TTC7A: variants seen among roughly 807,000 people sequenced by gnomAD.
TTC7A encodes the protein tetratricopeptide repeat protein 7A.
TTC7A carries 110 observed loss-of-function variants against 103.7 expected under a neutral mutation model. The observed-to-expected ratio is 1.06, with a 90% confidence interval of 0.91 to 1.24. The LOEUF (loss-of-function observed/expected upper bound fraction) is 1.24. TTC7A is among the 50% of genes most tolerant of loss of function. The pLI is 0.00. For synonymous variants in TTC7A, 521 were observed against 467.9 expected, an observed-to-expected ratio of 1.11 and a Z score of -1.47; for missense variants, 1,340 against 1,116.3, an observed-to-expected ratio of 1.20 and a Z score of -2.86.
chr2:46,955,258 G>C (rs543335526), intron 2 of TTC7A, among the ~76,000 whole-genome samples: 1 of 152,226 alleles, frequency 6.6e-6, no homozygotes, highest in Non-Finnish European at 1.5e-5. Context: ...CTTGAGACCA[G>C]TGCAGGGAAC....
chr2:46,959,512 G>T (rs1377927513), intron 3 of TTC7A, among the ~76,000 whole-genome samples: 1 of 152,172 alleles, frequency 6.6e-6, no homozygotes, highest in African/African-American at 2.4e-5. Flanking sequence ...AGGCTAGGAG[G>T]CTCTGTGGGG....
intron 11 of TTC7A, among the ~76,000 whole-genome samples, chr2:47,014,026 A>T (rs1678356262): frequency 6.6e-6 from 1 of 152,218 alleles, no homozygotes; most frequent in East Asian, 1.9e-4. Context: ...CATTGTGATC[A>T]TCTGTGTTTC....
intron 18 of TTC7A, among the ~76,000 whole-genome samples, chr2:47,054,866 C>T (rs1293669143): frequency 6.6e-6 from 1 of 151,410 alleles, no homozygotes; most frequent in Non-Finnish European, 1.5e-5. Flanking sequence ...GGGATCTATC[C>T]TGCTAGAAGA....
At chr2:46,977,825 G>A (rs553266917) in intron 4 of TTC7A, among the ~76,000 whole-genome samples, 24 of 152,164 alleles carry the variant, frequency 1.6e-4, no homozygotes, top group Admixed American at 9.8e-4. Context: ...CTCTTGCCTC[G>A]GCCTCCCAAA....
chr2:46,989,820 CTGTG>C (rs10650352), intron 5 of TTC7A, among the ~76,000 whole-genome samples: 60 of 137,586 alleles, frequency 4.4e-4, no homozygotes, highest in Admixed American at 8.3e-4. Context: ...GTGTGTGCAT[CTGTG>C]TGTGTGTGTG....
chr2:46,961,576 CAAATAAAT>C (rs58889946), intron 3 of TTC7A, among the ~76,000 whole-genome samples: 1 of 135,098 alleles, frequency 7.4e-6, no homozygotes, highest in African/African-American at 2.8e-5. Flanking sequence ...GACTCCATCT[CAAATAAAT>C]AAATAAATAA....
chr2:46,919,953 T>A lies in TTC7A; in HGVS notation c.82+2676T>A, dbSNP rs369924621. ...TTTGTATTTCTCTCTCCCTTATTCA[T>A]ATTTCTGATAAGGGTGAACTGTGGT... On this transcript the variant is annotated intron_variant, in intron 2 of 20. Transcript: ENST00000409245. Among the ~76,000 whole-genome samples, 25 of 152,356 alleles carry A rather than the reference T, an allele frequency of 1.6e-4. No homozygotes were observed. The East Asian group carries it at 1.9e-3, about 12-fold the overall frequency.
intron 15 of TTC7A, among the ~76,000 whole-genome samples, chr2:47,040,901 C>T (rs749704305): frequency 3.3e-5 from 5 of 152,176 alleles, no homozygotes; most frequent in African/African-American, 7.2e-5. Flanking sequence ...CTTTGAGTAA[C>T]GACACAGTGT....
chr2:47,053,947 T>G (rs1186138676), intron 18 of TTC7A: 1 of 177,948 alleles, frequency 5.6e-6, no homozygotes, highest in East Asian at 1.9e-4. Context: ...TGCTTTATAC[T>G]AGGGATGTTA....
At chr2:47,000,885 C>T (rs1319572800) in intron 8 of TTC7A, among the ~76,000 whole-genome samples, 1 of 152,080 alleles carries the variant, frequency 6.6e-6, no homozygotes, top group East Asian at 1.9e-4. Context: ...AGAAGCCTGG[C>T]CTTGTGTTTT....
At chr2:46,983,920 G>A (rs956415405) in intron 5 of TTC7A, among the ~76,000 whole-genome samples, 2 of 152,178 alleles carry the variant, frequency 1.3e-5, no homozygotes, top group African/African-American at 4.8e-5. Flanking sequence ...AAGCTTCCTG[G>A]AGTGGATTTC....
intron 11 of TTC7A, among the ~76,000 whole-genome samples, chr2:47,015,885 G>C (rs1678600391): frequency 6.6e-6 from 1 of 151,942 alleles, no homozygotes; most frequent in African/African-American, 2.4e-5. Context: ...CTCCTCCCAG[G>C]GAGAAAAAAA....
chr2:47,011,196 C>T, intron 10 of TTC7A, 135 bp from the exon 11 acceptor site: 4 of 735,600 alleles, frequency 5.4e-6, no homozygotes, highest in Non-Finnish European at 8.7e-6. Context: ...GGCTTCTCTG[C>T]CCTGGACCTC....
chr2:46,981,157 C>T lies in TTC7A; in HGVS notation c.764+2250C>T, dbSNP rs184997604. 1.9e-4 allele frequency among the ~76,000 whole-genome samples: 29 copies of T among 152,308 alleles called. No homozygotes were observed. In the Middle Eastern group the frequency reaches 0.01, roughly 54 times the overall value. On this transcript the variant is annotated intron_variant, in intron 5 of 19. Coordinates refer to ENST00000319190, the MANE Select transcript of TTC7A (RefSeq NM_020458.4). ...ACAGAAAAAATTTGCTGATCCCCCCCGCCACTTTAAATAATTACTTTAAAC... is the reference window on the plus strand; with the variant it reads ...ACAGAAAAAATTTGCTGATCCCCCCTGCCACTTTAAATAATTACTTTAAAC...
chr2:47,001,312 G>C (rs1418950013), intron 8 of TTC7A, among the ~76,000 whole-genome samples: 1 of 152,152 alleles, frequency 6.6e-6, no homozygotes. Flanking sequence ...TATCTTACTA[G>C]GTTGGAAAAA....
Position 46,958,401 on chromosome 2 carries a change from G to A in TTC7A, c.517+1394G>A, listed in dbSNP as rs753185677. ...CCCTTCAGCCATGGACGCCCTGAGCGGAACCCCCTTCCTCGGGCTTCCTTT... is the reference window on the plus strand; with the variant it reads ...CCCTTCAGCCATGGACGCCCTGAGCAGAACCCCCTTCCTCGGGCTTCCTTT... On this transcript the variant is annotated intron_variant, in intron 3 of 19. Transcript: ENST00000319190. The A allele has an allele frequency of 5.0e-6, 5 of 996,676 alleles. No individual in the cohort carries two copies. The Admixed American group carries it at 7.0e-5, about 14-fold the overall frequency. 61.7% of individuals were successfully genotyped at this position (996,676 alleles called of 1,614,324 possible).
intron 2 of TTC7A, among the ~76,000 whole-genome samples, chr2:46,931,691 ATAAT>A (rs1461022933): frequency 1.0e-5 from 1 of 98,438 alleles, no homozygotes; most frequent in Non-Finnish European, 2.0e-5. Context: ...AAAACAGACA[ATAAT>A]AAATAAATAA....
At chr2:47,014,952 G>A (rs1376574315) in intron 11 of TTC7A, among the ~76,000 whole-genome samples, 2 of 152,278 alleles carry the variant, frequency 1.3e-5, no homozygotes, top group Non-Finnish European at 2.9e-5. Context: ...GAGCAAGGTT[G>A]TGTCTTGGGG....
At chr2:46,971,923 A>C (rs979413281) in intron 3 of TTC7A, among the ~76,000 whole-genome samples, 10 of 107,636 alleles carry the variant, frequency 9.3e-5, no homozygotes, top group African/African-American at 4.4e-4. Flanking sequence ...TGCAAGTGAC[A>C]AAAAAAAAAA....
Sources: gnomAD v4.1 joint callset for allele counts (sites outside exome capture counted in the v4.1 genomes callset) on GRCh38, gnomAD v4.1.1 for gene constraint, MANE v1.5 for transcripts, NCBI Gene and HGNC (gene_info 2026-07-23, HGNC 2026-07-21) for gene names.